Variants in CHST3 observed in about 807,000 individuals in gnomAD.
CHST3 encodes C6ST-1.
CHST3 carries 20 observed loss-of-function variants against 35.4 expected under a neutral mutation model. That is an observed-to-expected ratio of 0.57 (90% CI 0.40 to 0.82). CHST3 has a LOEUF of 0.82. Among genes scored for constraint, CHST3 ranks in the 40% least tolerant of loss-of-function variants. CHST3 has a pLI of 0.00. For missense variants in CHST3, 693 were observed against 670.1 expected (o/e 1.03, Z -0.38); for synonymous variants, 334 against 295.9 (o/e 1.13, Z -1.32).
chr10:72,008,526 C>T lies in CHST3; in HGVS notation c.*55C>T. The T allele has an allele frequency of 1.4e-6, 2 of 1,456,720 alleles. No individual in the cohort carries two copies. Among genetic ancestry groups the T allele is most frequent in the South Asian group, 1.4e-5 (1 of 69,140 alleles). The allele number at this position is 1,456,720 out of a possible 1,614,324, so 90.2% of individuals were successfully genotyped here. On this transcript the variant is annotated 3_prime_UTR_variant, in exon 3 of 3. Coordinates refer to ENST00000373115, the MANE Select transcript of CHST3 (RefSeq NM_004273.5). ...GTGAAAGGCCTGCCCCGTCTTTCTG[C>T]CGCAGCCCTCGCAGAGGGCGGGTGC... is the stretch of plus-strand genomic sequence containing the variant.
At chr10:72,002,585 A>T (rs1371315401) in intron 1 of CHST3, among the ~76,000 whole-genome samples, 1 of 152,250 alleles carries the variant, frequency 6.6e-6, no homozygotes, top group Non-Finnish European at 1.5e-5. Context: ...CATGGTAGAG[A>T]CACAGGAAGG....
intron 2 of CHST3, among the ~76,000 whole-genome samples, chr10:72,006,816 C>T (rs184784046): frequency 2.6e-5 from 4 of 152,322 alleles, no homozygotes; most frequent in Non-Finnish European, 4.4e-5. Context: ...CTGCAAGCCC[C>T]TACAGCTCTG....
At position 72,005,975 on chromosome 10, in the gene CHST3, A is replaced by T. The variant is rs756821052; in HGVS notation, c.133A>T (p.Ile45Leu). 64 of 1,613,392 alleles carry T rather than the reference A, an allele frequency of 4.0e-5. No individual in the cohort carries two copies. The highest frequency in any genetic ancestry group is 4.9e-5 in the Non-Finnish European group (58 of 1,179,640). ...CTTCATCGAAAAGGAAAATAAAATC[A>T]TATCAAGGTGAGGGTTGCAAGCCCA... ...FVFIEKENKI[I>L]SRVSDKLKQI... The change falls in exon 2 of 3, where the codon ATA (isoleucine) becomes TTA (leucine). Residue 45 changes from isoleucine to leucine, a missense_variant. Ile to Leu is a conservative substitution (Grantham distance 5). Coordinates refer to ENST00000373115, the MANE Select transcript of CHST3 (RefSeq NM_004273.5).
intron 1 of CHST3, among the ~76,000 whole-genome samples, chr10:71,975,575 C>T (rs535770745): frequency 3.3e-5 from 5 of 152,358 alleles, no homozygotes; most frequent in East Asian, 1.9e-4. Context: ...CCCACCCATG[C>T]GGCTGTTTGG....
At chr10:71,978,784 GC>G (rs1839771710) in intron 1 of CHST3, among the ~76,000 whole-genome samples, 1 of 152,176 alleles carries the variant, frequency 6.6e-6, no homozygotes, top group Non-Finnish European at 1.5e-5. Flanking sequence ...GAGGGGAGGC[GC>G]CCTGCCTCTT....
intron 1 of CHST3, among the ~76,000 whole-genome samples, chr10:71,983,909 A>T (rs1839823129): frequency 6.6e-6 from 1 of 152,238 alleles, no homozygotes; most frequent in Admixed American, 6.5e-5. Context: ...CGTGCTCTGT[A>T]AATGACTTTG....
chr10:71,965,666 A>G (rs753624377), intron 1 of CHST3, among the ~76,000 whole-genome samples: 1 of 152,234 alleles, frequency 6.6e-6, no homozygotes, highest in Non-Finnish European at 1.5e-5. Context: ...TGGGCCTAGC[A>G]TAGTGCCTGG....
chr10:71,972,718 C>G (rs757009179), intron 1 of CHST3, among the ~76,000 whole-genome samples: 2 of 152,198 alleles, frequency 1.3e-5, no homozygotes, highest in African/African-American at 4.8e-5. Flanking sequence ...CACCTGGACT[C>G]GGTATCCCAT....
rs566423026 is a variant in CHST3 at position 71,993,151 on chromosome 10, A to G, written c.-107-12585A>G. On this transcript the variant is annotated intron_variant, in intron 1 of 2. Coordinates refer to ENST00000373115, the MANE Select transcript of CHST3 (RefSeq NM_004273.5). ...GTTAGTGTATTTTATGTGTAGAACA[A>G]GGCAATTCTTCTTCCAGTGTGGCCC... Among the ~76,000 whole-genome samples the G allele has an allele frequency of 1.1e-3, 164 of 152,232 alleles. 4 individuals are homozygous for G. The South Asian group carries it at 0.033, about 31-fold the overall frequency.
At chr10:71,981,383 C>A (rs1189468583) in intron 1 of CHST3, among the ~76,000 whole-genome samples, 22 of 152,248 alleles carry the variant, frequency 1.4e-4, no homozygotes, top group African/African-American at 4.6e-4. Context: ...CCCAGCCTCG[C>A]AGCCCTCCAG....
chr10:72,003,028 G>A (rs952324001), intron 1 of CHST3, among the ~76,000 whole-genome samples: 1 of 152,222 alleles, frequency 6.6e-6, no homozygotes, highest in Non-Finnish European at 1.5e-5. Context: ...GGGAGGGGTG[G>A]CCAGAGGCTT....
At chr10:71,987,092 A>C (rs1186082285) in intron 1 of CHST3, among the ~76,000 whole-genome samples, 2 of 152,214 alleles carry the variant, frequency 1.3e-5, no homozygotes, top group Non-Finnish European at 2.9e-5. Flanking sequence ...TTCCACTGGC[A>C]GACCGAGTGT....
At chr10:71,972,352 A>G (rs1313768451) in intron 1 of CHST3, among the ~76,000 whole-genome samples, 1 of 151,960 alleles carries the variant, frequency 6.6e-6, no homozygotes, top group Non-Finnish European at 1.5e-5. Flanking sequence ...AGTGCATGTC[A>G]TTGCGTTCTG....
chr10:71,995,281 C>G (rs1839928920), intron 1 of CHST3, among the ~76,000 whole-genome samples: 1 of 151,962 alleles, frequency 6.6e-6, no homozygotes, highest in Non-Finnish European at 1.5e-5. Flanking sequence ...AAAAATTAGC[C>G]TGGTGTGGTG....
intron 1 of CHST3, among the ~76,000 whole-genome samples, chr10:71,990,347 C>T (rs182529264): frequency 1.3e-3 from 202 of 152,208 alleles, no homozygotes; most frequent in African/African-American, 4.5e-3. Flanking sequence ...AGACAAGCTC[C>T]CTTAGGGCTC....
chr10:72,006,734 A>G (rs2131773480), intron 2 of CHST3, among the ~76,000 whole-genome samples: 1 of 152,308 alleles, frequency 6.6e-6, no homozygotes, highest in Middle Eastern at 3.4e-3. Context: ...TGGGCAATAT[A>G]GTGGACACCG....
chr10:71,975,547 T>G (rs1426826253), intron 1 of CHST3, among the ~76,000 whole-genome samples: 1 of 152,396 alleles, frequency 6.6e-6, no homozygotes, highest in East Asian at 1.9e-4. Context: ...AACATCCAGC[T>G]TCACTGGCTG....
chr10:71,968,587 T>C (rs1273319492), intron 1 of CHST3, among the ~76,000 whole-genome samples: 1 of 152,190 alleles, frequency 6.6e-6, no homozygotes, highest in Non-Finnish European at 1.5e-5. Flanking sequence ...GTCTCCACCA[T>C]GCCAGGCTGT....
At chr10:71,990,597 A>G (rs1839888804) in intron 1 of CHST3, among the ~76,000 whole-genome samples, 1 of 152,194 alleles carries the variant, frequency 6.6e-6, no homozygotes, top group Non-Finnish European at 1.5e-5. Flanking sequence ...TCCCGCCCTC[A>G]GGTGATCCAC....
Sources: allele counts gnomAD v4.1 joint callset (sites outside exome capture counted in the v4.1 genomes callset), GRCh38; gene constraint gnomAD v4.1.1; transcripts MANE v1.5; gene names NCBI Gene and HGNC (gene_info 2026-07-23, HGNC 2026-07-21).